Variants in SMCO2 observed in about 807,000 individuals in gnomAD.
The protein encoded by SMCO2 is single-pass membrane and coiled-coil domain-containing protein 2.
In SMCO2, 25 loss-of-function variants were observed where a neutral mutation model predicts 29.5. The ratio of observed to expected loss-of-function variants is 0.85; its 90% CI spans 0.62 to 1.18. The LOEUF (loss-of-function observed/expected upper bound fraction) is 1.18, where lower values mean the gene tolerates loss of function less well. Among genes scored for constraint, SMCO2 ranks in the 50% most tolerant of loss-of-function variants. The pLI is 0.00. For synonymous variants in SMCO2, 117 were observed against 123.3 expected (o/e 0.95, Z 0.34); for missense variants, 348 against 344.5 (o/e 1.01, Z -0.08).
chr12:27,479,618 C>T (rs922415907), intron 4 of SMCO2, among the ~76,000 whole-genome samples: 1 of 152,136 alleles, frequency 6.6e-6, no homozygotes, highest in African/African-American at 2.4e-5. Flanking sequence ...CCATAATTCC[C>T]GTGTGTTGTG....
intron 4 of SMCO2, among the ~76,000 whole-genome samples, chr12:27,487,941 T>TA (rs34900051): frequency 0.12 from 18,590 of 151,990 alleles, 2,198 homozygotes; most frequent in African/African-American, 0.29. Context: ...GGTTTTTTTT[T>TA]AATGTTGAGC....
At chr12:27,452,914 A>C in the SMCO2 span, among the ~76,000 whole-genome samples, 1 of 152,182 alleles carries the variant, frequency 6.6e-6, no homozygotes, top group African/African-American at 2.4e-5. Flanking sequence ...GGGACCACCT[A>C]CTATGGGCAT....
At position 27,501,877 on chromosome 12, in the gene SMCO2, A is replaced by T. The variant is rs1256430897; in HGVS notation, c.684-46A>T. ...GAGGTGCCAGGAGCCTATCAATGTGATTATTTTCAGAATTTGGTTAACACA... is the reference window on the plus strand; with the variant it reads ...GAGGTGCCAGGAGCCTATCAATGTGTTTATTTTCAGAATTTGGTTAACACA... On this transcript the variant is annotated intron_variant, in intron 7 of 7. Coordinates refer to ENST00000298876, the Ensembl canonical transcript of SMCO2. 5.0e-6 allele frequency: 7 copies of T among 1,408,196 alleles called. No homozygotes were observed. In the South Asian group the frequency reaches 1.1e-4, roughly 22 times the overall value. 87.2% of individuals were successfully genotyped at this position (1,408,196 alleles called of 1,614,324 possible).
chr12:27,480,400 G>A (rs112299828), intron 4 of SMCO2, among the ~76,000 whole-genome samples: 7 of 152,292 alleles, frequency 4.6e-5, no homozygotes, highest in African/African-American at 1.7e-4. Flanking sequence ...TGCCAGTAGT[G>A]GCTAGTGGAG....
Position 27,474,843 on chromosome 12 carries a change from G to T in SMCO2, c.292G>T (p.Glu98Ter). ...GGACCTGAGTAAACAGGATAAGCAA[G>T]AAACAGATGTTGATGAGGACCCTCA... The change falls in exon 4 of 8, where the codon GAA (glutamate) becomes TAA (stop). Residue 98 changes from glutamate (E) to a stop codon, truncating the protein, a stop_gained. Coordinates refer to ENST00000298876, the Ensembl canonical transcript of SMCO2. LOFTEE classifies it high-confidence loss of function. 1 of 1,551,650 alleles carries T rather than the reference G, an allele frequency of 6.4e-7. No individual in the cohort carries two copies. Among genetic ancestry groups the T allele is most frequent in the Non-Finnish European group, 8.7e-7 (1 of 1,146,842 alleles).
chr12:27,463,426 G>A (rs1949473614), upstream of SMCO2, among the ~76,000 whole-genome samples: 3 of 151,958 alleles, frequency 2.0e-5, no homozygotes, highest in South Asian at 4.2e-4. Flanking sequence ...CACCACGTCC[G>A]GCTAATTTTT....
chr12:27,487,592 G>T (rs1949699275), intron 4 of SMCO2, among the ~76,000 whole-genome samples: 1 of 152,170 alleles, frequency 6.6e-6, no homozygotes, highest in Admixed American at 6.5e-5. Flanking sequence ...GGATGAAATT[G>T]CTGGGTCATA....
At chr12:27,485,989 T>G (rs1949686167) in intron 4 of SMCO2, among the ~76,000 whole-genome samples, 1 of 152,218 alleles carries the variant, frequency 6.6e-6, no homozygotes, top group African/African-American at 2.4e-5. Context: ...AGTCTAGGAC[T>G]AATACGGCTC....
At chr12:27,442,856 A>C in the SMCO2 span, among the ~76,000 whole-genome samples, 2 of 152,212 alleles carry the variant, frequency 1.3e-5, no homozygotes, top group African/African-American at 4.8e-5. Flanking sequence ...TCTTGAGCTT[A>C]AGTGATCCTC....
At chr12:27,498,365 C>T in intron 7 of SMCO2, 1 of 223,006 alleles carries the variant, frequency 4.5e-6, no homozygotes, top group Non-Finnish European at 9.4e-6. Context: ...CCCTGAGATA[C>T]AACAAAAGAT....
At chr12:27,448,580 T>G in the SMCO2 span, among the ~76,000 whole-genome samples, 1 of 152,142 alleles carries the variant, frequency 6.6e-6, no homozygotes, top group African/African-American at 2.4e-5. Flanking sequence ...ACCCTTAAGC[T>G]CCTTAAGCCA....
At chr12:27,453,620 T>C in the SMCO2 span, among the ~76,000 whole-genome samples, 1 of 152,192 alleles carries the variant, frequency 6.6e-6, no homozygotes, top group Non-Finnish European at 1.5e-5. Flanking sequence ...TTGGCCGATA[T>C]GGTTGCCTCT....
At chr12:27,452,995 A>T in the SMCO2 span, among the ~76,000 whole-genome samples, 1 of 152,138 alleles carries the variant, frequency 6.6e-6, no homozygotes. Context: ...GTTCTGTTTG[A>T]TGCCAACAAT....
At chr12:27,443,604 T>C in the SMCO2 span, among the ~76,000 whole-genome samples, 1 of 152,176 alleles carries the variant, frequency 6.6e-6, no homozygotes, top group Non-Finnish European at 1.5e-5. Context: ...ACAAATCTTA[T>C]ACCTAGAGAA....
At chr12:27,487,399 ATCT>A (rs1949697710) in intron 4 of SMCO2, among the ~76,000 whole-genome samples, 1 of 152,078 alleles carries the variant, frequency 6.6e-6, no homozygotes, top group African/African-American at 2.4e-5. Flanking sequence ...GCATGTATTG[ATCT>A]TTCCTTCCTT....
intron 4 of SMCO2, among the ~76,000 whole-genome samples, chr12:27,477,824 A>G (rs1402040845): frequency 6.6e-6 from 1 of 151,608 alleles, no homozygotes; most frequent in Non-Finnish European, 1.5e-5. Context: ...ACTTCTTTGT[A>G]TTGCTTACCT....
At chr12:27,426,780 A>G in the SMCO2 span, among the ~76,000 whole-genome samples, 2,265 of 152,282 alleles carry the variant, frequency 0.015, 67 homozygotes, top group African/African-American at 0.052. Flanking sequence ...TTCATAACCA[A>G]TGGGAAAGCG....
the SMCO2 span, among the ~76,000 whole-genome samples, chr12:27,448,094 A>G: frequency 2.6e-5 from 4 of 152,204 alleles, no homozygotes; most frequent in African/African-American, 7.2e-5. Flanking sequence ...AATTAAATAC[A>G]TGTTTTTAGA....
At chr12:27,427,517 G>A in the SMCO2 span, among the ~76,000 whole-genome samples, 1 of 152,056 alleles carries the variant, frequency 6.6e-6, no homozygotes, top group African/African-American at 2.4e-5. Flanking sequence ...TACTTATTTT[G>A]CCTACCCTAC....
Sources: gnomAD v4.1 joint callset for allele counts (sites outside exome capture counted in the v4.1 genomes callset) on GRCh38, gnomAD v4.1.1 for gene constraint, MANE v1.5 for transcripts, NCBI Gene and HGNC (gene_info 2026-07-23, HGNC 2026-07-21) for gene names.